ADGRL2: variants seen among roughly 807,000 people sequenced by gnomAD.
ADGRL2 encodes adhesion G protein-coupled receptor L2.
A neutral mutation model predicts 157.4 loss-of-function variants in ADGRL2; 44 were observed. The ratio of observed to expected loss-of-function variants is 0.28; its 90% CI spans 0.22 to 0.36. The LOEUF (loss-of-function observed/expected upper bound fraction) is 0.36. ADGRL2 is among the 10% of genes least tolerant of loss of function. ADGRL2 has a pLI of 1.00. For missense variants in ADGRL2, 1,510 were observed against 1,768.9 expected, an observed-to-expected ratio of 0.85 and a Z score of 2.63; for synonymous variants, 585 against 624.7, an observed-to-expected ratio of 0.94 and a Z score of 0.95.
At chr1:81,636,775 A>T (rs1460208818) in intron 3 of ADGRL2, among the ~76,000 whole-genome samples, 1 of 152,150 alleles carries the variant, frequency 6.6e-6, no homozygotes, top group Non-Finnish European at 1.5e-5. Context: ...TCATATACCA[A>T]AGAAAAATAC....
rs530352856 is a variant in ADGRL2 at position 81,618,375 on chromosome 1, C to G, written c.-143+37395C>G. 4.3e-4 allele frequency among the ~76,000 whole-genome samples: 66 copies of G among 152,278 alleles called. 1 individual carries two copies. The South Asian group carries it at 0.011, about 26-fold the overall frequency. On this transcript the variant is annotated intron_variant, in intron 3 of 24. Transcript: ENST00000370721. ...ATCCACTCAGAGGCTTCTGTCTAAACAAGATTGACTATTACAGGGAAAGAA... is the reference window on the plus strand; with the variant it reads ...ATCCACTCAGAGGCTTCTGTCTAAAGAAGATTGACTATTACAGGGAAAGAA...
intron 2 of ADGRL2, among the ~76,000 whole-genome samples, chr1:81,772,419 A>G (rs1272359430): frequency 6.6e-6 from 1 of 151,872 alleles, no homozygotes; most frequent in Non-Finnish European, 1.5e-5. Flanking sequence ...ACCAAGCTAT[A>G]CAAGCTTTGG....
chr1:81,698,670 G>A (rs574596176), upstream of ADGRL2, among the ~76,000 whole-genome samples: 1 of 152,160 alleles, frequency 6.6e-6, no homozygotes, highest in African/African-American at 2.4e-5. Flanking sequence ...CCCACCTCTA[G>A]AGTACAGTAC....
At chr1:81,376,087 G>T (rs1463534522) in intron 1 of ADGRL2, among the ~76,000 whole-genome samples, 1 of 152,180 alleles carries the variant, frequency 6.6e-6, no homozygotes, top group Non-Finnish European at 1.5e-5. Flanking sequence ...GGCGCTGTTG[G>T]CTCTTCCCCT....
At chr1:81,414,550 G>A (rs1328338335) in intron 1 of ADGRL2, among the ~76,000 whole-genome samples, 1 of 152,192 alleles carries the variant, frequency 6.6e-6, no homozygotes, top group Non-Finnish European at 1.5e-5. Context: ...GTGGTGCAAG[G>A]GAGGCTGGAA....
intron 3 of ADGRL2, among the ~76,000 whole-genome samples, chr1:81,635,284 C>T (rs1041014776): frequency 1.3e-5 from 2 of 152,194 alleles, no homozygotes; most frequent in African/African-American, 4.8e-5. Context: ...AAACTACCTG[C>T]ACTCAGTCTT....
chr1:81,648,835 G>A (rs2082360069), intron 3 of ADGRL2, among the ~76,000 whole-genome samples: 1 of 152,170 alleles, frequency 6.6e-6, no homozygotes, highest in Non-Finnish European at 1.5e-5. Context: ...ATGAATGAAA[G>A]AAGGTTTCAG....
intron 2 of ADGRL2, among the ~76,000 whole-genome samples, chr1:81,446,606 G>A (rs2077601747): frequency 2.0e-5 from 3 of 152,170 alleles, no homozygotes; most frequent in Admixed American, 2.0e-4. Flanking sequence ...TCTTTCAGGA[G>A]TAAGGTAACA....
At chr1:81,420,522 G>C (rs556474298) in intron 1 of ADGRL2, among the ~76,000 whole-genome samples, 2 of 152,298 alleles carry the variant, frequency 1.3e-5, no homozygotes, top group South Asian at 4.1e-4. Context: ...AGCTCAGCAT[G>C]ATTTTTCATA....
At chr1:81,635,278 T>C (rs113354521) in intron 3 of ADGRL2, among the ~76,000 whole-genome samples, 1,741 of 152,318 alleles carry the variant, frequency 0.011, 28 homozygotes, top group African/African-American at 0.038. Flanking sequence ...CCAAATAAAC[T>C]ACCTGCACTC....
chr1:81,710,221 A>G (rs148493862), intron 1 of ADGRL2, among the ~76,000 whole-genome samples: 1,643 of 152,304 alleles, frequency 0.011, 16 homozygotes, highest in Non-Finnish European at 0.019. Flanking sequence ...GCACCTCACG[A>G]GTCTCAGGTA....
rs372817303 is a variant in ADGRL2, at chr1:81,907,236, T to C, written c.287+6T>C. On this transcript the variant is annotated splice_donor_region_variant and intron_variant, in intron 3 of 23. Coordinates refer to ENST00000686636, the MANE Select transcript of ADGRL2 (RefSeq NM_001366006.2). ...TTCAAAATTATGACTCAAAGGTAAATATTCATGTGTTAATGTCCCATTTGA... is the reference window on the plus strand; with the variant it reads ...TTCAAAATTATGACTCAAAGGTAAACATTCATGTGTTAATGTCCCATTTGA... 207 of 1,607,998 alleles carry C rather than the reference T, an allele frequency of 1.3e-4. No individual in the cohort carries two copies. The highest frequency in any genetic ancestry group is 3.3e-4 in the Middle Eastern group (2 of 6,074).
chr1:81,363,697 AAG>A (rs1283249951), intron 1 of ADGRL2, among the ~76,000 whole-genome samples: 1 of 152,160 alleles, frequency 6.6e-6, no homozygotes, highest in Non-Finnish European at 1.5e-5. Context: ...ACCATCATAA[AAG>A]ATTGTGTTTT....
intron 1 of ADGRL2, among the ~76,000 whole-genome samples, chr1:81,423,665 G>A (rs924925036): frequency 6.6e-6 from 1 of 152,068 alleles, no homozygotes; most frequent in African/African-American, 2.4e-5. Flanking sequence ...CCCTAATAAT[G>A]TTATACACAT....
intron 3 of ADGRL2, among the ~76,000 whole-genome samples, chr1:81,633,832 C>T (rs1307358954): frequency 6.6e-6 from 1 of 152,146 alleles, no homozygotes; most frequent in African/African-American, 2.4e-5. Context: ...ACATTTATCT[C>T]TACCACCATT....
intron 3 of ADGRL2, among the ~76,000 whole-genome samples, chr1:81,676,984 G>A (rs993407697): frequency 4.1e-5 from 6 of 147,080 alleles, no homozygotes; most frequent in African/African-American, 1.5e-4. Context: ...CCAACTCATT[G>A]GATTATTCTT....
At chr1:81,336,706 T>A (rs1462702514) in intron 1 of ADGRL2, among the ~76,000 whole-genome samples, 1 of 152,130 alleles carries the variant, frequency 6.6e-6, no homozygotes, top group African/African-American at 2.4e-5. Flanking sequence ...AACTTTTTCA[T>A]GTGTAATTCT....
chr1:81,347,787 C>T (rs1301100277), intron 1 of ADGRL2, among the ~76,000 whole-genome samples: 2 of 152,132 alleles, frequency 1.3e-5, no homozygotes, highest in Non-Finnish European at 2.9e-5. Context: ...CTTAATCAGG[C>T]ATCTCTGCAA....
At chr1:81,879,076 C>T (rs1471516504) in intron 2 of ADGRL2, among the ~76,000 whole-genome samples, 1 of 152,110 alleles carries the variant, frequency 6.6e-6, no homozygotes, top group Admixed American at 6.5e-5. Context: ...TTCCTTTACC[C>T]CTTCAATGAA....
Sources: gnomAD v4.1 joint callset for allele counts (sites outside exome capture counted in the v4.1 genomes callset) on GRCh38, gnomAD v4.1.1 for gene constraint, MANE v1.5 for transcripts, NCBI Gene and HGNC (gene_info 2026-07-23, HGNC 2026-07-21) for gene names.